Variants in CAPN7 observed in about 807,000 individuals in gnomAD.
The protein encoded by CAPN7 is calpain 7, also known as calpain-7.
Under a neutral mutation model 115.2 loss-of-function variants are expected in CAPN7, and 72 were observed. That is an observed-to-expected ratio of 0.63 (90% CI 0.52 to 0.76). The LOEUF (loss-of-function observed/expected upper bound fraction) is 0.76, where lower values mean the gene tolerates loss of function less well. Ranked by LOEUF, CAPN7 falls within the 30% of genes least tolerant of loss-of-function variation. CAPN7 has a pLI of 0.00. For missense variants in CAPN7, 905 were observed against 971.5 expected, an observed-to-expected ratio of 0.93 and a Z score of 0.91; for synonymous variants, 344 against 322.3, an observed-to-expected ratio of 1.07 and a Z score of -0.72.
In CAPN7 at chr3:15,251,994, T is replaced by G. The variant is rs1323549859; in HGVS notation, c.*734T>G. ...AATTGAGATATTGAAGACATTACAATTTAGTTTGTGTGGTCTTTTTTTAAA... is the reference window on the plus strand; with the variant it reads ...AATTGAGATATTGAAGACATTACAAGTTAGTTTGTGTGGTCTTTTTTTAAA... On this transcript the variant is annotated 3_prime_UTR_variant, in exon 21 of 21. Coordinates refer to ENST00000253693, the MANE Select transcript of CAPN7 (RefSeq NM_014296.3). 1 of 152,444 alleles carries G rather than the reference T, an allele frequency of 6.6e-6. No homozygotes were observed. The highest frequency in any genetic ancestry group is 1.5e-5 in the Non-Finnish European group (1 of 68,016). 9.4% of individuals were successfully genotyped at this position (152,444 alleles called of 1,614,324 possible). A position where few individuals can be genotyped will look rare whatever the true frequency, so the allele number is the denominator to read the frequency against.
intron 9 of CAPN7, among the ~76,000 whole-genome samples, chr3:15,231,602 T>A (rs1415215569): frequency 6.6e-6 from 1 of 152,016 alleles, no homozygotes; most frequent in East Asian, 1.9e-4. Context: ...CAATCTCGGC[T>A]CACTGCAACC....
chr3:15,240,246 A>G (rs1575231028), intron 12 of CAPN7, among the ~76,000 whole-genome samples: 1 of 152,220 alleles, frequency 6.6e-6, no homozygotes, highest in African/African-American at 2.4e-5. Flanking sequence ...TATAATTTTA[A>G]CTTAACTACA....
At chr3:15,221,903 G>A (rs1196974635) in intron 5 of CAPN7, among the ~76,000 whole-genome samples, 2 of 151,718 alleles carry the variant, frequency 1.3e-5, no homozygotes, top group Non-Finnish European at 1.5e-5. Flanking sequence ...TTGCAAAGCC[G>A]AGATCACGCC....
chr3:15,236,716 T>C (rs1695013418), intron 12 of CAPN7, among the ~76,000 whole-genome samples: 1 of 152,236 alleles, frequency 6.6e-6, no homozygotes, highest in Non-Finnish European at 1.5e-5. Context: ...CTGTACAGCA[T>C]GTTATTGTAT....
chr3:15,248,323 A>C (rs1695794536), intron 19 of CAPN7, among the ~76,000 whole-genome samples: 1 of 152,262 alleles, frequency 6.6e-6, no homozygotes, highest in South Asian at 2.1e-4. Context: ...GTCATATAAT[A>C]GTCCTGATAT....
chr3:15,242,993 C>T (rs181129093), intron 16 of CAPN7, among the ~76,000 whole-genome samples: 13 of 152,184 alleles, frequency 8.5e-5, no homozygotes, highest in African/African-American at 3.1e-4. Flanking sequence ...AGCAAAATAT[C>T]AAGTACTGAT....
rs138225330 is a variant in CAPN7 at position 15,210,444 on chromosome 3, A to G, written c.103-1660A>G. Among the ~76,000 whole-genome samples, 1,100 of 152,112 alleles carry G rather than the reference A, an allele frequency of 7.2e-3. 12 individuals carry two copies. Among genetic ancestry groups the G allele is most frequent in the African/African-American group, 0.023 (968 of 41,386 alleles). ...TATTTAGATAATGATGGTATGTAAG[A>G]TATATTTAATGTTTACATGTAAAGT... On this transcript the variant is annotated intron_variant, in intron 1 of 20. Transcript: ENST00000253693.
rs1192252460 is a variant in CAPN7 at position 15,220,838 on chromosome 3, T to C, written c.495T>C (p.Ser165=). ...TKPVGKISST[S]VKPKPPPVRA... ...CAGTTGGCAAAATCAGTTCAACAAG[T>C]GTTAAGCCAAAGCCACCTCCAGTGA... The change falls in exon 5 of 21, where the codon AGT becomes AGC. Residue 165 remains serine (S), a synonymous_variant. Coordinates refer to ENST00000253693, the MANE Select transcript of CAPN7 (RefSeq NM_014296.3). 1 of 1,614,172 alleles carries C rather than the reference T, an allele frequency of 6.2e-7. No individual in the cohort carries two copies. Among genetic ancestry groups the C allele is most frequent in the South Asian group, 1.1e-5 (1 of 91,084 alleles).
chr3:15,215,075 A>G (rs1415578483), intron 2 of CAPN7, among the ~76,000 whole-genome samples: 1 of 152,236 alleles, frequency 6.6e-6, no homozygotes. Context: ...TATCTTTTTC[A>G]TCAATGGAAT....
intron 18 of CAPN7, 178 bp from the exon 19 acceptor site, chr3:15,247,149 T>C (rs1276478464): frequency 1.0e-5 from 6 of 580,116 alleles, no homozygotes; most frequent in Admixed American, 3.5e-5. Context: ...GAGATGGAAA[T>C]AGGGGTTAGT....
chr3:15,251,481 T>A lies in CAPN7; in HGVS notation c.*221T>A. On this transcript the variant is annotated 3_prime_UTR_variant, in exon 21 of 21. Coordinates refer to ENST00000253693, the MANE Select transcript of CAPN7 (RefSeq NM_014296.3). ...GGTACCGTTTACATGGTTTTGTGTA[T>A]ATAGAGTTGGCTTGCATTTTAGGGG... 2 of 379,386 alleles carry A rather than the reference T, an allele frequency of 5.3e-6. No individual in the cohort carries two copies. The highest frequency in any genetic ancestry group is 9.4e-6 in the Non-Finnish European group (2 of 213,608). 23.5% of individuals were successfully genotyped at this position (379,386 alleles called of 1,614,324 possible).
Position 15,206,289 on chromosome 3 carries a change from A to G in CAPN7, c.-207A>G, listed in dbSNP as rs1287464. The G allele has an allele frequency of 0.83, 371,649 of 445,236 alleles. 156,800 individuals are homozygous for G. The highest frequency in any genetic ancestry group is 0.96 in the African/African-American group (46,021 of 47,862). The allele number at this position is 445,236 out of a possible 1,614,324, so 27.6% of individuals were successfully genotyped here. A position where few individuals can be genotyped will look rare whatever the true frequency, so the allele number is the denominator to read the frequency against. The stretch of plus-strand genomic sequence containing the variant: ...GAAGTGGGGCGGCCGGGTGGGCTAC[A>G]AGCCGGGTCTGGGCTGAGGGGCGCG... On this transcript the variant is annotated 5_prime_UTR_variant, in exon 1 of 21. Transcript: ENST00000253693.
chr3:15,224,176 ATAT>A (rs1436550680), intron 6 of CAPN7, among the ~76,000 whole-genome samples: 6 of 152,352 alleles, frequency 3.9e-5, no homozygotes, highest in South Asian at 2.1e-4. Context: ...ATACAGTCAA[ATAT>A]TATGCTACTC....
chr3:15,245,309 T>C (rs1206281274), intron 16 of CAPN7, among the ~76,000 whole-genome samples: 2 of 152,188 alleles, frequency 1.3e-5, no homozygotes, highest in East Asian at 1.9e-4. Flanking sequence ...AGTACTATTA[T>C]ACTTCATTGA....
chr3:15,228,183 T>C (rs890100428), intron 7 of CAPN7, among the ~76,000 whole-genome samples: 7 of 152,224 alleles, frequency 4.6e-5, no homozygotes, highest in Non-Finnish European at 1.0e-4. Flanking sequence ...TGGGCCCTGT[T>C]TATCATTATG....
chr3:15,248,140 C>T (rs1199476302), intron 19 of CAPN7, among the ~76,000 whole-genome samples: 1 of 151,540 alleles, frequency 6.6e-6, no homozygotes, highest in African/African-American at 2.4e-5. Flanking sequence ...CTAACCTGCA[C>T]AATGTGCACA....
At chr3:15,232,718 T>G in intron 10 of CAPN7, 53 bp downstream of exon 10, 2 of 1,450,830 alleles carry the variant, frequency 1.4e-6, no homozygotes, top group Non-Finnish European at 1.8e-6. Context: ...CTAATATAAC[T>G]GTTTTAAATT....
chr3:15,211,420 T>C (rs974613127), intron 1 of CAPN7, among the ~76,000 whole-genome samples: 2 of 152,194 alleles, frequency 1.3e-5, no homozygotes, highest in African/African-American at 4.8e-5. Context: ...CAGTTCCTTA[T>C]GCGTGAATTC....
intron 16 of CAPN7, among the ~76,000 whole-genome samples, chr3:15,242,646 G>C (rs771525084): frequency 3.9e-5 from 6 of 152,050 alleles, no homozygotes; most frequent in African/African-American, 1.5e-4. Flanking sequence ...TCATGCCCCA[G>C]CTTCTCACAG....
Sources: gnomAD v4.1 joint callset for allele counts (sites outside exome capture counted in the v4.1 genomes callset) on GRCh38, gnomAD v4.1.1 for gene constraint, MANE v1.5 for transcripts, NCBI Gene and HGNC (gene_info 2026-07-23, HGNC 2026-07-21) for gene names.